C7: variants seen among roughly 807,000 people sequenced by gnomAD.
C7 encodes complement C7.
A neutral mutation model predicts 104.8 loss-of-function variants in C7; 83 were observed. The ratio of observed to expected loss-of-function variants is 0.79; its 90% CI spans 0.66 to 0.95. C7 has a LOEUF of 0.95. C7 is among the 40% of genes least tolerant of loss of function. The pLI, the probability that C7 is intolerant of heterozygous loss-of-function variation, is 0.00. For synonymous variants in C7, 415 were observed against 360.6 expected (o/e 1.15, Z -1.71); for missense variants, 1,070 against 1,011.2 (o/e 1.06, Z -0.79).
intron 9 of C7, chr5:40,954,893 A>AAG: frequency 3.4e-6 from 1 of 291,882 alleles, no homozygotes; most frequent in Non-Finnish European, 6.6e-6. Context: ...AAAAAAAAAA[A>AAG]AAAAAAAAAA....
chr5:40,912,777 T>G (rs1391858641), intron 1 of C7, among the ~76,000 whole-genome samples: 22 of 152,202 alleles, frequency 1.4e-4, no homozygotes, highest in Admixed American at 1.4e-3. Flanking sequence ...ATTTTATGGT[T>G]TTTTTTGGAA....
intron 1 of C7, among the ~76,000 whole-genome samples, 182 bp from the exon 2 acceptor site, chr5:40,928,398 A>G (rs1739604151): frequency 6.6e-6 from 1 of 152,214 alleles, no homozygotes; most frequent in Non-Finnish European, 1.5e-5. Context: ...CTTTGCCACA[A>G]AAAATGTTAA....
intron 10 of C7, among the ~76,000 whole-genome samples, chr5:40,957,804 G>T (rs1388292129): frequency 6.7e-6 from 1 of 149,396 alleles, no homozygotes; most frequent in Non-Finnish European, 1.5e-5. Flanking sequence ...ATGCACAGAA[G>T]ATATATAAAA....
intron 16 of C7, among the ~76,000 whole-genome samples, chr5:40,977,811 C>G (rs1030302375): frequency 1.3e-5 from 2 of 152,106 alleles, no homozygotes; most frequent in African/African-American, 4.8e-5. Flanking sequence ...TATCCAGCCC[C>G]TAGACTTAGT....
At chr5:40,945,474 A>G (rs975103650) in intron 7 of C7, 106 bp downstream of exon 7, 1 of 658,210 alleles carries the variant, frequency 1.5e-6, no homozygotes, top group East Asian at 3.0e-5. Flanking sequence ...TATTAAAATT[A>G]GTAATAGTAA....
chr5:40,947,071 T>C (rs1367385257), intron 7 of C7, among the ~76,000 whole-genome samples: 2 of 151,040 alleles, frequency 1.3e-5, no homozygotes, highest in East Asian at 3.9e-4. Context: ...TGGGAGGGGA[T>C]GGTGGCTTAA....
Position 40,945,875 on chromosome 5 carries a change from CATATATATATATATATATAT to C in C7, c.738+522_738+541del, listed in dbSNP as rs58480949. ...TGAGACCCTGTCTCAAAAAAAAATA[CATATATATATATATATATAT>C]ATATATATATATATGTATATTTAGT... On this transcript the variant is annotated intron_variant, in intron 7 of 17. Transcript: ENST00000313164. Among the ~76,000 whole-genome samples, 21 of 127,326 alleles carry C rather than the reference CATATATATATATATATATAT, an allele frequency of 1.6e-4. 2 individuals are homozygous for C. The highest frequency in any genetic ancestry group is 5.2e-4 in the Admixed American group (6 of 11,566). The allele number at this position is 127,326 out of a possible 152,430, so 83.5% of individuals were successfully genotyped here.
intron 1 of C7, among the ~76,000 whole-genome samples, chr5:40,927,489 A>G (rs1739579088): frequency 1.3e-5 from 2 of 152,204 alleles, no homozygotes; most frequent in Middle Eastern, 3.4e-3. Flanking sequence ...TATAAGTCAT[A>G]CATTCAAGAA....
rs115612055 is a variant in C7 at position 40,929,917 on chromosome 5, G to T, written c.63-1147G>T. 3.6e-3 allele frequency among the ~76,000 whole-genome samples: 542 copies of T among 152,090 alleles called. 3 individuals are homozygous for T. Among genetic ancestry groups the T allele is most frequent in the African/African-American group, 0.012 (490 of 41,478 alleles). ...CCACTTCTCATGGGGACTTTTTATA[G>T]TTTCTTGTCTTTCAGTTAAGTGTTT... On this transcript the variant is annotated intron_variant, in intron 2 of 17. Transcript: ENST00000313164.
chr5:40,981,747 C>A lies in C7; in HGVS notation c.*174C>A. ...ATCCTTTGTTCTCCCAAATCTGAAT[C>A]GAATTACTCTTTTGCCTCCTTTTTA... is the stretch of plus-strand genomic sequence containing the variant. On this transcript the variant is annotated 3_prime_UTR_variant, in exon 18 of 18. Transcript: ENST00000313164. 1 of 529,078 alleles carries A rather than the reference C, an allele frequency of 1.9e-6. No homozygotes were observed. Among genetic ancestry groups the A allele is most frequent in the East Asian group, 3.0e-5 (1 of 33,828 alleles). 32.8% of individuals were successfully genotyped at this position (529,078 alleles called of 1,614,324 possible). A position where few individuals can be genotyped will look rare whatever the true frequency, so the allele number is the denominator to read the frequency against.
intron 15 of C7, among the ~76,000 whole-genome samples, chr5:40,975,564 A>G (rs1740800630): frequency 6.6e-6 from 1 of 152,080 alleles, no homozygotes; most frequent in Non-Finnish European, 1.5e-5. Flanking sequence ...GGGTTTCACC[A>G]TGTTGGCTAG....
Position 40,972,432 on chromosome 5 carries a change from G to T in C7, c.1912G>T (p.Asp638Tyr). Residue 638 changes from aspartate to tyrosine, a missense_variant, in exon 15 of 18, where the codon GAT becomes TAT. Physicochemically the swap from Asp to Tyr is radical, Grantham distance 160 (BLOSUM62 -3). Coordinates refer to ENST00000313164, the MANE Select transcript of C7 (RefSeq NM_000587.4). ...KIACVLPVLMDGIQSHPQKPF... is the reference protein window; with the variant it reads ...KIACVLPVLMYGIQSHPQKPF... ...TGCCTGTGTTCTACCTGTACTGATGGATGGCATACAGAGTCACCCCCAAAA... is the reference window on the plus strand; with the variant it reads ...TGCCTGTGTTCTACCTGTACTGATGTATGGCATACAGAGTCACCCCCAAAA... 4 of 1,613,828 alleles carry T rather than the reference G, an allele frequency of 2.5e-6. No homozygotes were observed. The highest frequency in any genetic ancestry group is 3.4e-6 in the Non-Finnish European group (4 of 1,179,798).
In C7 at chr5:40,916,534, C is replaced by T. The variant is rs115855785; in HGVS notation, c.6+6918C>T. ...CCGGAGTGCTGTAGTCAGAGAGAACCGGAGTGGAATAAGGGATTAAAAGAT... is the reference window on the plus strand; with the variant it reads ...CCGGAGTGCTGTAGTCAGAGAGAACTGGAGTGGAATAAGGGATTAAAAGAT... On this transcript the variant is annotated intron_variant, in intron 1 of 17. Transcript: ENST00000313164. Among the ~76,000 whole-genome samples, 1,033 of 152,150 alleles carry T rather than the reference C, an allele frequency of 6.8e-3. 10 individuals carry two copies. Among genetic ancestry groups the T allele is most frequent in the African/African-American group, 0.023 (972 of 41,482 alleles).
Position 40,945,356 on chromosome 5 carries a change from C to A in C7, c.726C>A (p.Ile242=). Residue 242 remains isoleucine, a synonymous_variant, in exon 7 of 18, where the codon ATC becomes ATA. Coordinates refer to ENST00000313164, the MANE Select transcript of C7 (RefSeq NM_000587.4). ...GTTATACTTCACATACCAATGAAAT[C>A]CATAAAGGAAAGGTTAGTATAAAAT... is the stretch of plus-strand genomic sequence containing the variant. ...SRSYTSHTNE[I]HKGKSYQLLV... 12 of 1,587,782 alleles carry A rather than the reference C, an allele frequency of 7.6e-6. No individual in the cohort carries two copies. The highest frequency in any genetic ancestry group is 1.0e-5 in the Non-Finnish European group (12 of 1,171,752).
rs1269361225 is a variant in C7, at chr5:40,959,693, T to C, written c.1661+73T>C. 3 of 1,165,322 alleles carry C rather than the reference T, an allele frequency of 2.6e-6. No homozygotes were observed. In the African/African-American group the frequency reaches 4.6e-5, roughly 18 times the overall value. 72.2% of individuals were successfully genotyped at this position (1,165,322 alleles called of 1,614,324 possible). A position where few individuals can be genotyped will look rare whatever the true frequency, so the allele number is the denominator to read the frequency against. Reference sequence around the variant, plus strand: ...CTGCAGTTAGCATGGAACACATGATTGCTGCTGTCGAGAGATTTAGAAGTT... The same window carrying C: ...CTGCAGTTAGCATGGAACACATGATCGCTGCTGTCGAGAGATTTAGAAGTT... On this transcript the variant is annotated intron_variant, in intron 12 of 17. Coordinates refer to ENST00000313164, the MANE Select transcript of C7 (RefSeq NM_000587.4).
At chr5:40,965,810 T>A (rs1245812727) in intron 14 of C7, among the ~76,000 whole-genome samples, 1 of 151,524 alleles carries the variant, frequency 6.6e-6, no homozygotes, top group Non-Finnish European at 1.5e-5. Context: ...CTCTGCTAAT[T>A]TTTTGTATTT....
intron 15 of C7, among the ~76,000 whole-genome samples, chr5:40,975,956 G>T (rs2111720747): frequency 6.6e-6 from 1 of 152,294 alleles, no homozygotes; most frequent in African/African-American, 2.4e-5. Context: ...GGTGAAAAAA[G>T]TCAGGATGTT....
At chr5:40,922,345 A>G (rs1739455615) in intron 1 of C7, among the ~76,000 whole-genome samples, 1 of 125,776 alleles carries the variant, frequency 8.0e-6, no homozygotes, top group Non-Finnish European at 1.6e-5. Flanking sequence ...ACTGCACTCC[A>G]TCCTGGGCAA....
Position 40,943,326 on chromosome 5 carries a change from T to C in C7, c.568-1872T>C, listed in dbSNP as rs1003659308. On this transcript the variant is annotated intron_variant, in intron 6 of 17. Transcript: ENST00000313164. ...TAAAAGAATAAGAGATGTTAGAATA[T>C]AGGATGGTTGAATTTGGGATTTCAG... Among the ~76,000 whole-genome samples, 9 of 152,210 alleles carry C rather than the reference T, an allele frequency of 5.9e-5. 1 individual carries two copies. The South Asian group carries it at 1.2e-3, about 21-fold the overall frequency.
Sources: gnomAD v4.1 joint callset for allele counts (sites outside exome capture counted in the v4.1 genomes callset) on GRCh38, gnomAD v4.1.1 for gene constraint, MANE v1.5 for transcripts, NCBI Gene and HGNC (gene_info 2026-07-23, HGNC 2026-07-21) for gene names.